The following PVT1 variants were observed in gnomAD, a reference collection of about 807,000 sequenced individuals.
PVT1 encodes the protein CXCR4/PVT1 fusion.
chr8:127,802,880 C>A (rs1166157538), intron 2 of PVT1, among the ~76,000 whole-genome samples: 1 of 151,968 alleles, frequency 6.6e-6, no homozygotes, highest in Non-Finnish European at 1.5e-5. Context: ...CTGCTGTAGC[C>A]CAGAAGCTGG....
In PVT1 at chr8:128,073,480, C is replaced by T. The variant is rs183350914; in HGVS notation, n.1114+3119C>T. On this transcript the variant is annotated intron_variant and non_coding_transcript_variant, in intron 5 of 10. Coordinates refer to ENST00000651587, the Ensembl canonical transcript of PVT1. ...CAAATTTGAACCACACACAAATCTC[C>T]AGGGGTACTTGGTAAATGCAGACTT... Among the ~76,000 whole-genome samples, 423 of 152,242 alleles carry T rather than the reference C, an allele frequency of 2.8e-3. 2 individuals carry two copies. Among genetic ancestry groups the T allele is most frequent in the African/African-American group, 9.8e-3 (407 of 41,544 alleles).
At chr8:127,928,901 G>A (rs751853272) in intron 3 of PVT1, among the ~76,000 whole-genome samples, 2 of 152,246 alleles carry the variant, frequency 1.3e-5, no homozygotes, top group African/African-American at 2.4e-5. Context: ...AGCCTTTCAA[G>A]TGATGCGACT....
intron 4 of PVT1, among the ~76,000 whole-genome samples, chr8:127,990,629 C>A (rs1817021667): frequency 6.6e-6 from 1 of 152,172 alleles, no homozygotes; most frequent in South Asian, 2.1e-4. Context: ...ACAGAGAAGT[C>A]AGAACTGAGA....
intron 3 of PVT1, among the ~76,000 whole-genome samples, chr8:127,942,496 C>G (rs1186470530): frequency 2.0e-5 from 3 of 152,206 alleles, no homozygotes; most frequent in Admixed American, 6.5e-5. Context: ...CACCTCTCCC[C>G]CTTGACCTGG....
intron 4 of PVT1, chr8:128,049,366 C>T (rs370273643): frequency 4.5e-5 from 15 of 336,790 alleles, no homozygotes; most frequent in Non-Finnish European, 8.9e-5. Flanking sequence ...CAGCTTTGCG[C>T]GGAGGCAGAG....
At chr8:128,046,004 C>T (rs1418509243) in intron 4 of PVT1, among the ~76,000 whole-genome samples, 3 of 152,194 alleles carry the variant, frequency 2.0e-5, no homozygotes, top group Non-Finnish European at 4.4e-5. Flanking sequence ...TTGAGGACCA[C>T]AGTCTTAGAG....
At chr8:127,908,382 C>T (rs986027499) in intron 3 of PVT1, among the ~76,000 whole-genome samples, 1 of 149,364 alleles carries the variant, frequency 6.7e-6, no homozygotes, top group Non-Finnish European at 1.5e-5. Flanking sequence ...TGCTCTGTCA[C>T]CCAGGCTGGA....
At chr8:127,821,366 G>C (rs911976408) in intron 2 of PVT1, among the ~76,000 whole-genome samples, 1 of 151,902 alleles carries the variant, frequency 6.6e-6, no homozygotes, top group Non-Finnish European at 1.5e-5. Context: ...ATAAGACTCA[G>C]TTTAAAAAAA....
At chr8:127,855,164 TG>T in intron 2 of PVT1, 1 of 398,696 alleles carries the variant, frequency 2.5e-6, no homozygotes, top group Non-Finnish European at 4.4e-6. Flanking sequence ...GGACCATAGC[TG>T]TCTGCAGTGC....
At chr8:127,902,857 T>G (rs192163092) in intron 3 of PVT1, among the ~76,000 whole-genome samples, 55 of 152,342 alleles carry the variant, frequency 3.6e-4, no homozygotes, top group African/African-American at 1.3e-3. Flanking sequence ...TTATGTTGAT[T>G]CCATGTCTTT....
intron 4 of PVT1, among the ~76,000 whole-genome samples, chr8:128,014,173 C>A (rs1158315296): frequency 3.9e-5 from 6 of 152,168 alleles, no homozygotes; most frequent in Admixed American, 3.9e-4. Context: ...GCATTTATTC[C>A]CTCCCAGGGT....
intron 2 of PVT1, among the ~76,000 whole-genome samples, chr8:127,834,162 T>G (rs1332183755): frequency 6.6e-6 from 1 of 152,082 alleles, no homozygotes; most frequent in Non-Finnish European, 1.5e-5. Context: ...AACCTTAAAC[T>G]TCAAACTATA....
rs1417070539 is a variant in PVT1 at position 127,904,573 on chromosome 8, T to C, written n.782+13575T>C. Among the ~76,000 whole-genome samples the C allele has an allele frequency of 2.0e-5, 3 of 152,352 alleles. No homozygotes were observed. The East Asian group carries it at 5.8e-4, about 29-fold the overall frequency. ...GAACATTCATGTGGTAGCCAATACC[T>C]GGGAAAATAATCCCACTTGCCAGGC... On this transcript the variant is annotated intron_variant and non_coding_transcript_variant, in intron 3 of 10. Coordinates refer to ENST00000651587, the Ensembl canonical transcript of PVT1.
At chr8:127,949,904 G>A (rs1816484889) in intron 3 of PVT1, among the ~76,000 whole-genome samples, 1 of 152,382 alleles carries the variant, frequency 6.6e-6, no homozygotes, top group Non-Finnish European at 1.5e-5. Context: ...CTGCCCAGCG[G>A]CTGGATTCTG....
intron 2 of PVT1, among the ~76,000 whole-genome samples, chr8:127,825,111 A>C (rs1165489533): frequency 8.4e-6 from 1 of 118,774 alleles, no homozygotes; most frequent in African/African-American, 3.6e-5. Flanking sequence ...AGAGCCAAAC[A>C]CTAGCTAAAA....
intron 4 of PVT1, among the ~76,000 whole-genome samples, chr8:128,069,469 C>T (rs1034691542): frequency 3.9e-5 from 6 of 152,162 alleles, no homozygotes; most frequent in South Asian, 2.1e-4. Flanking sequence ...ACTCAGGGGT[C>T]AGAGCAGGAG....
At chr8:127,974,508 G>A (rs1022221367) in intron 3 of PVT1, among the ~76,000 whole-genome samples, 5 of 151,886 alleles carry the variant, frequency 3.3e-5, no homozygotes, top group East Asian at 1.9e-4. Flanking sequence ...TCTTTCTCTC[G>A]GGTTCAAGCA....
rs28612099 is a variant in PVT1, at chr8:128,055,587, A to C, written n.913-14573A>C. On this transcript the variant is annotated intron_variant and non_coding_transcript_variant, in intron 4 of 10. Coordinates refer to ENST00000651587, the Ensembl canonical transcript of PVT1. Reference sequence around the variant, plus strand: ...CTCTATTTGCTGCACATGAAACCATAACAAAATGTTGTGGCTTAAAACAAC... The same window carrying C: ...CTCTATTTGCTGCACATGAAACCATCACAAAATGTTGTGGCTTAAAACAAC... 7.6e-3 allele frequency among the ~76,000 whole-genome samples: 1,157 copies of C among 152,354 alleles called. 17 individuals are homozygous for C. Among genetic ancestry groups the C allele is most frequent in the African/African-American group, 0.026 (1,088 of 41,578 alleles).
intron 3 of PVT1, among the ~76,000 whole-genome samples, chr8:127,943,274 C>G (rs1486010258): frequency 1.3e-5 from 2 of 152,236 alleles, no homozygotes; most frequent in African/African-American, 4.8e-5. Context: ...ATCTTAGCAC[C>G]ATTTCATGCA....
Sources: gnomAD v4.1 joint callset for allele counts (sites outside exome capture counted in the v4.1 genomes callset) on GRCh38, gnomAD v4.1.1 for gene constraint, MANE v1.5 for transcripts, NCBI Gene and HGNC (gene_info 2026-07-23, HGNC 2026-07-21) for gene names.